Variants in ADAM23 observed in about 807,000 individuals in gnomAD.
ADAM23 encodes disintegrin and metalloproteinase domain-containing protein 23.
Under a neutral mutation model 120.1 loss-of-function variants are expected in ADAM23, and 33 were observed. The observed-to-expected ratio is 0.27, with a 90% CI of 0.21 to 0.37. ADAM23 has a LOEUF of 0.37. Among genes scored for constraint, ADAM23 ranks in the 10% least tolerant of loss-of-function variants. The probability of loss-of-function intolerance (pLI) is 1.00; values close to 1 mark genes in which losing one functional copy is unlikely to be tolerated. For missense variants in ADAM23, 862 were observed against 1,058.2 expected, an observed-to-expected ratio of 0.81 and a Z score of 2.57; for synonymous variants, 367 against 375.2, an observed-to-expected ratio of 0.98 and a Z score of 0.25.
At chr2:206,474,789 G>C (rs1158799071) in intron 2 of ADAM23, among the ~76,000 whole-genome samples, 1 of 152,088 alleles carries the variant, frequency 6.6e-6, no homozygotes, top group African/African-American at 2.4e-5. Context: ...TGCCCAGCCT[G>C]GTCTTGAACT....
At chr2:206,574,315 T>C (rs981769345) in intron 18 of ADAM23, among the ~76,000 whole-genome samples, 1 of 152,128 alleles carries the variant, frequency 6.6e-6, no homozygotes, top group African/African-American at 2.4e-5. Context: ...GTGAATATGC[T>C]TTGTTTTATG....
intron 16 of ADAM23, among the ~76,000 whole-genome samples, chr2:206,571,345 G>A (rs920365632): frequency 6.6e-6 from 1 of 152,064 alleles, no homozygotes; most frequent in Admixed American, 6.5e-5. Flanking sequence ...CGCGGTGGCG[G>A]GCGCCTGTAG....
intron 18 of ADAM23, among the ~76,000 whole-genome samples, chr2:206,578,828 A>C (rs977072492): frequency 7.9e-5 from 12 of 152,138 alleles, no homozygotes; most frequent in African/African-American, 2.9e-4. Flanking sequence ...TGTTTTCCAT[A>C]GTGGCGGTAC....
Position 206,617,846 on chromosome 2 carries a change from G to A in ADAM23, c.*219G>A. 1 of 933,644 alleles carries A rather than the reference G, an allele frequency of 1.1e-6. No homozygotes were observed. Among genetic ancestry groups the A allele is most frequent in the East Asian group, 3.1e-5 (1 of 31,946 alleles). The allele number at this position is 933,644 out of a possible 1,614,324, so 57.8% of individuals were successfully genotyped here. On this transcript the variant is annotated 3_prime_UTR_variant, in exon 26 of 26. Coordinates refer to ENST00000264377, the MANE Select transcript of ADAM23 (RefSeq NM_003812.4). ...TCACCACCTGTCAGTAAACGGGGGA[G>A]GGGGCAAAAGACCATGCTATAAAAA...
chr2:206,539,100 G>A (rs1300282214), intron 4 of ADAM23, among the ~76,000 whole-genome samples: 1 of 152,208 alleles, frequency 6.6e-6, no homozygotes, highest in Non-Finnish European at 1.5e-5. Flanking sequence ...GGGATTCTGA[G>A]CTTGGAAACC....
intron 1 of ADAM23, among the ~76,000 whole-genome samples, chr2:206,444,923 G>A (rs1695047066): frequency 6.6e-6 from 1 of 152,178 alleles, no homozygotes; most frequent in South Asian, 2.1e-4. Flanking sequence ...TGTGGACTCA[G>A]AGAAGGGGTG....
At chr2:206,486,712 C>T (rs1350642629) in intron 3 of ADAM23, among the ~76,000 whole-genome samples, 3 of 152,120 alleles carry the variant, frequency 2.0e-5, no homozygotes, top group Non-Finnish European at 4.4e-5. Context: ...TCCTCCTTCT[C>T]TTCTACCACC....
At chr2:206,585,087 G>A (rs1317543027) in intron 18 of ADAM23, among the ~76,000 whole-genome samples, 1 of 152,152 alleles carries the variant, frequency 6.6e-6, no homozygotes, top group Non-Finnish European at 1.5e-5. Context: ...GGTCCTGCAG[G>A]AGCAGTCTGC....
Position 206,481,234 on chromosome 2 carries a change from T to A in ADAM23, c.435T>A (p.Ala145=). ...KARHQQKHNK[A]VHLAQASFQI... The stretch of plus-strand genomic sequence containing the variant: ...CTTCTGTCTTTTTGAATCCATAGGC[T>A]GTCCATCTGGCCCAGGCAAGCTTCC... The change falls in exon 3 of 26, where the codon GCT becomes GCA. Residue 145 remains alanine (A), a splice_region_variant and synonymous_variant. Coordinates refer to ENST00000264377, the MANE Select transcript of ADAM23 (RefSeq NM_003812.4). 6.2e-7 allele frequency: 1 copy of A among 1,609,488 alleles called. No individual in the cohort carries two copies. The highest frequency in any genetic ancestry group is 8.5e-7 in the Non-Finnish European group (1 of 1,178,282).
At chr2:206,536,895 G>A (rs769159733) in intron 4 of ADAM23, among the ~76,000 whole-genome samples, 4 of 151,664 alleles carry the variant, frequency 2.6e-5, no homozygotes, top group Non-Finnish European at 4.4e-5. Flanking sequence ...TAGTAGAGAC[G>A]GGGTGTCACC....
chr2:206,445,978 T>C (rs912488376), intron 2 of ADAM23, among the ~76,000 whole-genome samples: 1 of 152,194 alleles, frequency 6.6e-6, no homozygotes, highest in East Asian at 1.9e-4. Context: ...CACTTAGAAA[T>C]TGAGTGTTTA....
At position 206,538,807 on chromosome 2, in the gene ADAM23, T is replaced by G. The variant is rs566935840; in HGVS notation, c.574-3245T>G. ...ATTATTTTTTATAGAGGCAGGGTCT[T>G]TCTACATTGCCCAGGCTGGTCTCAA... is the stretch of plus-strand genomic sequence containing the variant. On this transcript the variant is annotated intron_variant, in intron 4 of 25. Coordinates refer to ENST00000264377, the MANE Select transcript of ADAM23 (RefSeq NM_003812.4). 3.3e-5 allele frequency among the ~76,000 whole-genome samples: 5 copies of G among 152,310 alleles called. No individual in the cohort carries two copies. The East Asian group carries it at 7.7e-4, about 23-fold the overall frequency.
rs1445220897 is a variant in ADAM23 at position 206,476,205 on chromosome 2, T to C, written c.433-5027T>C. Among the ~76,000 whole-genome samples the C allele has an allele frequency of 2.0e-5, 3 of 152,212 alleles. No homozygotes were observed. The East Asian group carries it at 5.8e-4, about 29-fold the overall frequency. ...CCCTAAAGGGCTTCTTACCTCTGTT[T>C]GTAAAACATTTTCTTGTCTATTGAT... is the stretch of plus-strand genomic sequence containing the variant. On this transcript the variant is annotated intron_variant, in intron 2 of 25. Coordinates refer to ENST00000264377, the MANE Select transcript of ADAM23 (RefSeq NM_003812.4).
At chr2:206,610,926 A>C (rs934869615) in intron 25 of ADAM23, among the ~76,000 whole-genome samples, 1 of 152,204 alleles carries the variant, frequency 6.6e-6, no homozygotes, top group African/African-American at 2.4e-5. Context: ...AAATAAGACC[A>C]TTACCCAAAT....
At chr2:206,551,204 G>T (rs1306266757) in intron 9 of ADAM23, among the ~76,000 whole-genome samples, 2 of 152,080 alleles carry the variant, frequency 1.3e-5, no homozygotes, top group African/African-American at 4.8e-5. Context: ...TATAATGTTT[G>T]CTGATATCTG....
At chr2:206,604,955 C>A (rs1574562363) in intron 24 of ADAM23, among the ~76,000 whole-genome samples, 1 of 152,218 alleles carries the variant, frequency 6.6e-6, no homozygotes, top group East Asian at 1.9e-4. Context: ...CACAGACACA[C>A]AACTGCAAAC....
rs747214076 is a variant in ADAM23 at position 206,617,650 on chromosome 2, C to T, written c.*23C>T. The T allele has an allele frequency of 1.9e-5, 31 of 1,612,848 alleles. No individual in the cohort carries two copies. The highest frequency in any genetic ancestry group is 6.7e-5 in the East Asian group (3 of 44,800). Reference sequence around the variant, plus strand: ...TGAATCAGCTGCGCTGGATGGACACCGCCTTGCACTGTTGGATTCTGGGTA... The same window carrying T: ...TGAATCAGCTGCGCTGGATGGACACTGCCTTGCACTGTTGGATTCTGGGTA... On this transcript the variant is annotated 3_prime_UTR_variant, in exon 26 of 26. Transcript: ENST00000264377.
chr2:206,587,160 A>G lies in ADAM23; in HGVS notation c.1738-165A>G, dbSNP rs890742252. On this transcript the variant is annotated intron_variant, in intron 18 of 25. Transcript: ENST00000264377. ...GCCCTTACTTACTTATTTTACCAAT[A>G]ATAGGATAAATAATTTGAATTAATA... 4.6e-5 allele frequency among the ~76,000 whole-genome samples: 7 copies of G among 152,334 alleles called. No individual in the cohort carries two copies. The Middle Eastern group carries it at 0.01, about 222-fold the overall frequency.
At chr2:206,614,028 C>T (rs1698886416) in intron 25 of ADAM23, among the ~76,000 whole-genome samples, 1 of 152,158 alleles carries the variant, frequency 6.6e-6, no homozygotes, top group Non-Finnish European at 1.5e-5. Context: ...ACCGTAACAC[C>T]TCAGTCTGTA....
Sources: allele counts gnomAD v4.1 joint callset (sites outside exome capture counted in the v4.1 genomes callset), GRCh38; gene constraint gnomAD v4.1.1; transcripts MANE v1.5; gene names NCBI Gene and HGNC (gene_info 2026-07-23, HGNC 2026-07-21).